The following ZDHHC23 variants were observed in gnomAD, a reference collection of about 807,000 sequenced individuals.
ZDHHC23 encodes the protein zDHHC palmitoyltransferase 23, also known as palmitoyltransferase ZDHHC23.
ZDHHC23 carries 41 observed loss-of-function variants against 40.2 expected under a neutral mutation model. The ratio of observed to expected loss-of-function variants is 1.02; its 90% CI spans 0.79 to 1.32. The LOEUF (loss-of-function observed/expected upper bound fraction) is 1.32. Ranked by LOEUF, ZDHHC23 falls within the 40% of genes most tolerant of loss-of-function variation. The probability of loss-of-function intolerance (pLI) is 0.00; values close to 1 mark genes in which losing one functional copy is unlikely to be tolerated. For synonymous variants in ZDHHC23, 204 were observed against 210.2 expected (o/e 0.97, Z 0.26); for missense variants, 471 against 541.5 (o/e 0.87, Z 1.29).
chr3:113,959,526 G>T lies in ZDHHC23; in HGVS notation c.*896G>T. 7.8e-7 allele frequency: 1 copy of T among 1,277,846 alleles called. No individual in the cohort carries two copies. Among genetic ancestry groups the T allele is most frequent in the African/African-American group, 1.5e-5 (1 of 65,862 alleles). The allele number at this position is 1,277,846 out of a possible 1,614,324, so 79.2% of individuals were successfully genotyped here. A position where few individuals can be genotyped will look rare whatever the true frequency, so the allele number is the denominator to read the frequency against. On this transcript the variant is annotated 3_prime_UTR_variant, in exon 5 of 5. Coordinates refer to ENST00000638807, the MANE Select transcript of ZDHHC23 (RefSeq NM_001320466.2). ...CTCTTCCCATGTTTCACCAGGTAAG[G>T]TGCTAGCACACTTGTGACTGTGGCT...
chr3:113,979,447 T>C, the ZDHHC23 span, among the ~76,000 whole-genome samples: 1 of 152,338 alleles, frequency 6.6e-6, no homozygotes, highest in South Asian at 2.1e-4. Context: ...TGGAATGAGC[T>C]GTCACCAGCA....
rs1938427202 is a variant in ZDHHC23 at position 113,949,153 on chromosome 3, G to A, written c.161+190G>A. Among the ~76,000 whole-genome samples the A allele has an allele frequency of 2.0e-5, 3 of 152,240 alleles. No homozygotes were observed. In the South Asian group the frequency reaches 6.2e-4, roughly 32 times the overall value. On this transcript the variant is annotated intron_variant, in intron 2 of 4. Coordinates refer to ENST00000638807, the MANE Select transcript of ZDHHC23 (RefSeq NM_001320466.2). ...ATGGATTACGCAGTAGTGCACAGCT[G>A]TCTGTCTGCTCTGTTTTATAGGATA...
chr3:113,954,367 A>C lies in ZDHHC23; in HGVS notation c.829A>C (p.Ile277Leu). 1 of 1,610,344 alleles carries C rather than the reference A, an allele frequency of 6.2e-7. No homozygotes were observed. The highest frequency in any genetic ancestry group is 8.5e-7 in the Non-Finnish European group (1 of 1,178,036). ...VRPARAWHCR[I>L]CGICVRRMDH... Reference sequence around the variant, plus strand: ...ACCAGCCCGGGCATGGCACTGCCGGATATGTGGCATCTGTGTGAGGAGAAT... The same window carrying C: ...ACCAGCCCGGGCATGGCACTGCCGGCTATGTGGCATCTGTGTGAGGAGAAT... The change falls in exon 3 of 5, where the codon ATA (isoleucine) becomes CTA (leucine). Residue 277 changes from isoleucine to leucine, a missense_variant. Physicochemically the swap from Ile to Leu is conservative, Grantham distance 5. Around this residue, in one of 3 missense-constraint regions of ZDHHC23, gnomAD observed 346 missense variants for 399.8 expected, o/e 0.87. Coordinates refer to ENST00000638807, the MANE Select transcript of ZDHHC23 (RefSeq NM_001320466.2).
At chr3:113,978,428 G>T in the ZDHHC23 span, 1 of 1,261,148 alleles carries the variant, frequency 7.9e-7, no homozygotes, top group Non-Finnish European at 1.1e-6. Context: ...TGAAACAAAA[G>T]AAACAAATGA....
chr3:113,978,717 T>C, the ZDHHC23 span: 1 of 883,848 alleles, frequency 1.1e-6, no homozygotes, highest in South Asian at 1.8e-5. Flanking sequence ...TTCACATTTA[T>C]TTCAAAGCAG....
In ZDHHC23 at chr3:113,960,393, C is replaced by T. The variant is rs1381682140; in HGVS notation, c.*1763C>T. 2.5e-6 allele frequency: 3 copies of T among 1,211,876 alleles called. No homozygotes were observed. The African/African-American group carries it at 4.9e-5, about 20-fold the overall frequency. 75.1% of individuals were successfully genotyped at this position (1,211,876 alleles called of 1,614,324 possible). ...CCCTGGCCCAGAGCTGAATATTCATCTAGAATTAAAGTTGGATTTGATATA... is the reference window on the plus strand; with the variant it reads ...CCCTGGCCCAGAGCTGAATATTCATTTAGAATTAAAGTTGGATTTGATATA... On this transcript the variant is annotated 3_prime_UTR_variant, in exon 5 of 5. Transcript: ENST00000638807.
Position 113,954,046 on chromosome 3 carries a change from C to G in ZDHHC23, c.508C>G (p.Gln170Glu). 1 of 1,614,174 alleles carries G rather than the reference C, an allele frequency of 6.2e-7. No homozygotes were observed. The highest frequency in any genetic ancestry group is 8.5e-7 in the Non-Finnish European group (1 of 1,180,032). Reference sequence around the variant, plus strand: ...CCCCAAAGGGCGTGTGGGTCCCGTTCAGCTGGCGGTTCTTACCTGCGGGTT... The same window carrying G: ...CCCCAAAGGGCGTGTGGGTCCCGTTGAGCTGGCGGTTCTTACCTGCGGGTT... ...VVPKGRVGPV[Q>E]LAVLTCGLFL... is the part of the protein sequence containing the mutation. The change falls in exon 3 of 5, where the codon CAG becomes GAG. Residue 170 changes from glutamine to glutamate, a missense_variant. This residue lies in a region of ZDHHC23 where 346 missense variants were observed against 399.8 expected (regional missense o/e 0.87). Coordinates refer to ENST00000638807, the MANE Select transcript of ZDHHC23 (RefSeq NM_001320466.2).
chr3:113,968,387 G>A (rs1940430351), downstream of ZDHHC23, among the ~76,000 whole-genome samples: 1 of 152,066 alleles, frequency 6.6e-6, no homozygotes, highest in South Asian at 2.1e-4. Context: ...AATTAGTGAT[G>A]CTGAGCATTT....
At chr3:113,967,437 T>G (rs1940318514), downstream of ZDHHC23, among the ~76,000 whole-genome samples, 1 of 152,134 alleles carries the variant, frequency 6.6e-6, no homozygotes, top group South Asian at 2.1e-4. Flanking sequence ...TTCCCTGAAC[T>G]CCTAAAACAT....
chr3:113,977,087 A>G, the ZDHHC23 span, among the ~76,000 whole-genome samples: 1 of 152,196 alleles, frequency 6.6e-6, no homozygotes, highest in Non-Finnish European at 1.5e-5. Flanking sequence ...AAACATGCAA[A>G]TAAAAAGAAA....
chr3:113,955,580 C>A (rs1336398387), intron 3 of ZDHHC23, among the ~76,000 whole-genome samples: 1 of 152,126 alleles, frequency 6.6e-6, no homozygotes, highest in East Asian at 1.9e-4. Context: ...TGTTCTTCCC[C>A]CTACGCTATG....
At chr3:113,976,760 T>C in the ZDHHC23 span, among the ~76,000 whole-genome samples, 8 of 152,180 alleles carry the variant, frequency 5.3e-5, no homozygotes, top group African/African-American at 1.9e-4. Flanking sequence ...TCTGTTGCTA[T>C]CCTCATTTTA....
At chr3:113,948,413 G>T (rs552361659) in intron 1 of ZDHHC23, 19 of 203,640 alleles carry the variant, frequency 9.3e-5, no homozygotes, top group Middle Eastern at 2.1e-3. Flanking sequence ...TCCCACCAGC[G>T]CCCAGGCTTG....
chr3:113,960,314 G>T lies in ZDHHC23; in HGVS notation c.*1684G>T. The T allele has an allele frequency of 9.5e-7, 1 of 1,048,288 alleles. No individual in the cohort carries two copies. Among genetic ancestry groups the T allele is most frequent in the East Asian group, 9.9e-5 (1 of 10,086 alleles). 64.9% of individuals were successfully genotyped at this position (1,048,288 alleles called of 1,614,324 possible). ...AGATGGTTTGTTTAACGAATGATAG[G>T]CTCTGTGCCTGGGGATGTTAGCAGA... On this transcript the variant is annotated 3_prime_UTR_variant, in exon 5 of 5. Coordinates refer to ENST00000638807, the MANE Select transcript of ZDHHC23 (RefSeq NM_001320466.2).
In ZDHHC23 at chr3:113,958,294, G is replaced by T. The variant is rs186684168; in HGVS notation, c.1041-69G>T. ...TAATAAGTAAAAAAATGTGTAAAAC[G>T]TGAGAATGATGACAGTTTTCTGAAT... is the stretch of plus-strand genomic sequence containing the variant. On this transcript the variant is annotated intron_variant, in intron 4 of 4. Coordinates refer to ENST00000638807, the MANE Select transcript of ZDHHC23 (RefSeq NM_001320466.2). 128 of 1,409,808 alleles carry T rather than the reference G, an allele frequency of 9.1e-5. 1 individual carries two copies. Among genetic ancestry groups the T allele is most frequent in the South Asian group, 1.2e-4 (9 of 76,878 alleles). The allele number at this position is 1,409,808 out of a possible 1,614,324, so 87.3% of individuals were successfully genotyped here.
In ZDHHC23 at chr3:113,954,010, C is replaced by A. The variant is rs1938932500; in HGVS notation, c.472C>A (p.Gln158Lys). Residue 158 changes from glutamine (Q) to lysine (K), a missense_variant, in exon 3 of 5, where the codon CAG becomes AAG. Physicochemically the swap from Gln to Lys is moderately conservative, Grantham distance 53 (BLOSUM62 1). Coordinates refer to ENST00000638807, the MANE Select transcript of ZDHHC23 (RefSeq NM_001320466.2). The part of the protein sequence containing the change: ...SLGYMYYVFL[Q>K]EVVPKGRVGP... ...GGGCTACATGTACTATGTGTTCCTG[C>A]AGGAAGTGGTCCCCAAAGGGCGTGT... 6.2e-7 allele frequency: 1 copy of A among 1,614,040 alleles called. No individual in the cohort carries two copies. Among genetic ancestry groups the A allele is most frequent in the African/African-American group, 1.3e-5 (1 of 74,906 alleles).
intron 3 of ZDHHC23, 65 bp downstream of exon 3, chr3:113,954,475 T>C (rs1938982861): frequency 7.0e-7 from 1 of 1,428,572 alleles, no homozygotes; most frequent in South Asian, 1.5e-5. Flanking sequence ...TTACATTTTA[T>C]CTTCCCTTGT....
chr3:113,951,067 C>A (rs1441559818), intron 2 of ZDHHC23, among the ~76,000 whole-genome samples: 1 of 152,208 alleles, frequency 6.6e-6, no homozygotes, highest in East Asian at 1.9e-4. Flanking sequence ...AGCTTTGTTG[C>A]GCACAGCCCA....
chr3:113,954,942 T>G (rs1157090422), intron 3 of ZDHHC23, among the ~76,000 whole-genome samples: 1 of 152,212 alleles, frequency 6.6e-6, no homozygotes, highest in Admixed American at 6.5e-5. Context: ...TGCAGAGAAA[T>G]GGGCTTTTGT....
Sources: gnomAD v4.1 joint callset for allele counts (sites outside exome capture counted in the v4.1 genomes callset) on GRCh38, gnomAD v4.1.1 for gene constraint, gnomAD v4.1.1 regional missense constraint, MANE v1.5 for transcripts, NCBI Gene and HGNC (gene_info 2026-07-23, HGNC 2026-07-21) for gene names.